The following MAGI2 variants were observed in gnomAD, a reference collection of about 807,000 sequenced individuals.
MAGI2 encodes membrane-associated guanylate kinase, WW and PDZ domain-containing protein 2.
In MAGI2, 35 loss-of-function variants were observed where a neutral mutation model predicts 133.3. The ratio of observed to expected loss-of-function variants is 0.26; its 90% CI spans 0.20 to 0.35. The LOEUF is 0.35. MAGI2 is among the 10% of genes least tolerant of loss of function. The pLI, the probability that MAGI2 is intolerant of heterozygous loss-of-function variation, is 1.00. For missense variants in MAGI2, 1,636 were observed against 1,863.4 expected, an observed-to-expected ratio of 0.88 and a Z score of 2.25; for synonymous variants, 729 against 710.6, an observed-to-expected ratio of 1.03 and a Z score of -0.41.
intron 10 of MAGI2, among the ~76,000 whole-genome samples, chr7:78,215,629 T>C (rs912026354): frequency 6.6e-6 from 1 of 152,184 alleles, no homozygotes; most frequent in Non-Finnish European, 1.5e-5. Flanking sequence ...TCTGATCAAC[T>C]GCTGCCTGGA....
chr7:79,288,463 T>G (rs1191645189), intron 1 of MAGI2, among the ~76,000 whole-genome samples: 1 of 152,306 alleles, frequency 6.6e-6, no homozygotes, highest in African/African-American at 2.4e-5. Flanking sequence ...TTCATACAAC[T>G]TGGGTTTATT....
chr7:78,876,321 C>CAAAAAAAAAA (rs57950337), intron 2 of MAGI2, among the ~76,000 whole-genome samples: 929 of 79,614 alleles, frequency 0.012, 40 homozygotes, highest in Non-Finnish European at 0.018. Context: ...GACTCCGTCT[C>CAAAAAAAAAA]AAAAAAAAAA....
intron 1 of MAGI2, among the ~76,000 whole-genome samples, chr7:79,228,414 A>G (rs1385270650): frequency 6.7e-6 from 1 of 148,204 alleles, no homozygotes; most frequent in Non-Finnish European, 1.5e-5. Flanking sequence ...AAGAGAATCT[A>G]TGCCAAGTGT....
chr7:78,826,864 G>T (rs540334203), intron 2 of MAGI2, among the ~76,000 whole-genome samples: 1 of 152,158 alleles, frequency 6.6e-6, no homozygotes, highest in East Asian at 1.9e-4. Context: ...AAGTGTGCAG[G>T]TTACACACAT....
At chr7:79,146,545 A>G (rs961336482) in intron 1 of MAGI2, among the ~76,000 whole-genome samples, 1 of 152,210 alleles carries the variant, frequency 6.6e-6, no homozygotes, top group Non-Finnish European at 1.5e-5. Context: ...GGGTGGAGCC[A>G]GGTGAAGATA....
rs189556246 is a variant in MAGI2, at chr7:78,529,399, C to T, written c.539-7754G>A. Among the ~76,000 whole-genome samples, 368 of 152,204 alleles carry T rather than the reference C, an allele frequency of 2.4e-3. 2 individuals are homozygous for T. Among genetic ancestry groups the T allele is most frequent in the African/African-American group, 7.5e-3 (313 of 41,530 alleles). Reference sequence around the variant, plus strand: ...AGTAGCTCAGAACATTTCCCACCTGCGCCAGATAGCAGACGGAAAGAAATT... The same window carrying T: ...AGTAGCTCAGAACATTTCCCACCTGTGCCAGATAGCAGACGGAAAGAAATT... On this transcript the variant is annotated intron_variant, in intron 3 of 21. Transcript: ENST00000354212.
At chr7:78,936,662 T>C (rs746051495) in intron 2 of MAGI2, among the ~76,000 whole-genome samples, 2 of 152,030 alleles carry the variant, frequency 1.3e-5, no homozygotes, top group Non-Finnish European at 2.9e-5. Flanking sequence ...AACCACCTCA[T>C]AATGATAGCT....
chr7:78,576,431 T>C (rs1802272715), intron 3 of MAGI2, among the ~76,000 whole-genome samples: 2 of 152,214 alleles, frequency 1.3e-5, no homozygotes, highest in African/African-American at 4.8e-5. Context: ...GGCCCTCCTG[T>C]CTGTCATTCC....
intron 3 of MAGI2, among the ~76,000 whole-genome samples, chr7:78,626,281 A>T (rs1563261035): frequency 6.6e-6 from 1 of 152,188 alleles, no homozygotes; most frequent in East Asian, 1.9e-4. Flanking sequence ...ATATATACAC[A>T]GATACATATT....
intron 1 of MAGI2, among the ~76,000 whole-genome samples, chr7:79,063,870 TA>T (rs771348618): frequency 4.7e-4 from 71 of 152,116 alleles, no homozygotes; most frequent in Non-Finnish European, 8.8e-4. Context: ...AAAATTCTTA[TA>T]AAGCCACAAT....
intron 1 of MAGI2, among the ~76,000 whole-genome samples, chr7:79,280,554 G>T (rs1329049373): frequency 6.6e-6 from 1 of 152,052 alleles, no homozygotes; most frequent in Non-Finnish European, 1.5e-5. Context: ...TTGGGAAATT[G>T]ATGCAGCAAT....
chr7:79,020,572 C>T (rs1224062994), intron 1 of MAGI2, among the ~76,000 whole-genome samples: 1 of 152,046 alleles, frequency 6.6e-6, no homozygotes, highest in Admixed American at 6.6e-5. Flanking sequence ...TGAGACCATC[C>T]TGGCTAACAT....
At position 78,501,963 on chromosome 7, in the gene MAGI2, G is replaced by A. The variant is rs1021438389; in HGVS notation, c.755-176C>T. ...GCCTATTTGAGCTCTCCTTTCACTC[G>A]TCATTGTCATCTATCTTTCAGCTAA... On this transcript the variant is annotated intron_variant, in intron 4 of 21. Transcript: ENST00000354212. Among the ~76,000 whole-genome samples the A allele has an allele frequency of 7.9e-5, 12 of 152,118 alleles. No homozygotes were observed. The South Asian group carries it at 8.3e-4, about 11-fold the overall frequency.
At chr7:78,434,756 T>G (rs928766923) in intron 6 of MAGI2, among the ~76,000 whole-genome samples, 4 of 151,696 alleles carry the variant, frequency 2.6e-5, no homozygotes, top group African/African-American at 9.7e-5. Context: ...TATAGAAAAA[T>G]TGGGGAAATG....
At chr7:78,294,419 G>A (rs2151051539) in intron 9 of MAGI2, among the ~76,000 whole-genome samples, 1 of 152,140 alleles carries the variant, frequency 6.6e-6, no homozygotes, top group African/African-American at 2.4e-5. Context: ...TCCATATCGA[G>A]ACCATTACCT....
chr7:78,766,735 T>C (rs2151310578), intron 2 of MAGI2, among the ~76,000 whole-genome samples: 1 of 152,344 alleles, frequency 6.6e-6, no homozygotes, highest in Non-Finnish European at 1.5e-5. Flanking sequence ...TTGAATTTGA[T>C]GTATTCTTAG....
chr7:78,538,444 C>G (rs1474690618), intron 3 of MAGI2, among the ~76,000 whole-genome samples: 2 of 152,204 alleles, frequency 1.3e-5, no homozygotes, highest in Admixed American at 6.5e-5. Flanking sequence ...AATACTGATT[C>G]TACCCATCAA....
At chr7:78,594,056 T>G (rs1804330831) in intron 3 of MAGI2, among the ~76,000 whole-genome samples, 1 of 152,196 alleles carries the variant, frequency 6.6e-6, no homozygotes, top group South Asian at 2.1e-4. Context: ...AGTGCCTGGC[T>G]TAAATCATCC....
chr7:79,147,539 C>T (rs989695334), intron 1 of MAGI2, among the ~76,000 whole-genome samples: 1 of 152,194 alleles, frequency 6.6e-6, no homozygotes, highest in Non-Finnish European at 1.5e-5. Context: ...ACAGGAGGGT[C>T]GGTGCCTCAA....
Sources: allele counts gnomAD v4.1 joint callset (sites outside exome capture counted in the v4.1 genomes callset), GRCh38; gene constraint gnomAD v4.1.1; transcripts MANE v1.5; gene names NCBI Gene and HGNC (gene_info 2026-07-23, HGNC 2026-07-21).